Variants in SH3YL1 observed in about 807,000 individuals in gnomAD.
SH3YL1 encodes SH3 and SYLF domain containing 1, also known as SH3 domain-containing YSC84-like protein 1.
In SH3YL1, 41 loss-of-function variants were observed where a neutral mutation model predicts 45.8. The observed-to-expected ratio is 0.89, with a 90% CI of 0.70 to 1.16. SH3YL1 has a LOEUF of 1.16. Ranked by LOEUF, SH3YL1 falls within the 50% of genes most tolerant of loss-of-function variation. The pLI is 0.00. For missense variants in SH3YL1, 389 were observed against 409.6 expected, an observed-to-expected ratio of 0.95 and a Z score of 0.43; for synonymous variants, 152 against 151.4, an observed-to-expected ratio of 1.00 and a Z score of -0.03.
intron 1 of SH3YL1, among the ~76,000 whole-genome samples, chr2:259,124 T>C (rs1433209574): frequency 2.0e-5 from 3 of 152,222 alleles, no homozygotes; most frequent in African/African-American, 7.2e-5. Context: ...CCTTATCTTG[T>C]GGATCTCAGA....
Position 233,130 on chromosome 2 carries a change from AC to A in SH3YL1, c.503del (p.Cys168PhefsTer2), listed in dbSNP as rs1239160143. On this transcript the variant is annotated frameshift_variant, in exon 6 of 10. Coordinates refer to ENST00000356150, the MANE Select transcript of SH3YL1 (RefSeq NM_015677.4). LOFTEE classifies it high-confidence loss of function. ...TATTAGTTTCTTTCCTTTCAATCAA[AC>A]AGCTCCCTTCTAAAGACACGCCTGC... ...LFAGVSLEGSCLIERKETNRK... is the reference protein window; with the variant it reads ...LFAGVSLEGSXLIERKETNRK... 3 of 1,590,666 alleles carry A rather than the reference AC, an allele frequency of 1.9e-6. No individual in the cohort carries two copies. The highest frequency in any genetic ancestry group is 2.6e-6 in the Non-Finnish European group (3 of 1,167,136).
At position 230,953 on chromosome 2, in the gene SH3YL1, T is replaced by C. The variant is rs1668007328; in HGVS notation, c.702+70A>G. ...TTAGTAGGTTCTTAGGAACCTGATA[T>C]CAGGGACAGAATGTTCTACAGAAAG... On this transcript the variant is annotated intron_variant, in intron 7 of 9. Transcript: ENST00000356150. The C allele has an allele frequency of 2.7e-6, 4 of 1,487,476 alleles. No homozygotes were observed. In the African/African-American group the frequency reaches 5.5e-5, roughly 21 times the overall value. 92.1% of individuals were successfully genotyped at this position (1,487,476 alleles called of 1,614,324 possible).
At chr2:238,947 G>T (rs376502926) in intron 4 of SH3YL1, among the ~76,000 whole-genome samples, 8 of 152,308 alleles carry the variant, frequency 5.3e-5, no homozygotes, top group African/African-American at 1.9e-4. Context: ...GAATCTGGGA[G>T]TCTAAAGGTT....
At chr2:259,147 G>A (rs962585214) in intron 1 of SH3YL1, among the ~76,000 whole-genome samples, 3 of 152,112 alleles carry the variant, frequency 2.0e-5, no homozygotes, top group African/African-American at 7.2e-5. Context: ...TGTCCACCAT[G>A]TGCAAAAAGT....
chr2:233,279 G>A (rs772903105), intron 5 of SH3YL1, 50 bp from the exon 6 acceptor site: 40 of 1,460,018 alleles, frequency 2.7e-5, no homozygotes, highest in East Asian at 1.2e-4. Flanking sequence ...GCTCCAAGCC[G>A]AGGATCACTA....
intron 6 of SH3YL1, among the ~76,000 whole-genome samples, chr2:232,034 C>A (rs915716355): frequency 2.0e-5 from 3 of 151,794 alleles, no homozygotes; most frequent in East Asian, 3.9e-4. Flanking sequence ...GCAGTGCCAG[C>A]CGATCAAGCT....
upstream of SH3YL1, chr2:264,790 G>A (rs1669787058): frequency 5.9e-6 from 4 of 674,018 alleles, no homozygotes; most frequent in Non-Finnish European, 9.5e-6. Context: ...ACCGTCATAG[G>A]ACCGCCTCCG....
intron 4 of SH3YL1, among the ~76,000 whole-genome samples, chr2:245,812 C>T (rs1261362552): frequency 6.6e-6 from 1 of 152,010 alleles, no homozygotes; most frequent in Non-Finnish European, 1.5e-5. Flanking sequence ...CACTGTGCAG[C>T]GCACCAGTCT....
chr2:242,868 C>T (rs1179505120), intron 4 of SH3YL1: 29 of 1,499,532 alleles, frequency 1.9e-5, no homozygotes, highest in Non-Finnish European at 2.6e-5. Flanking sequence ...GCTGGAGTGG[C>T]ACTCTTTATA....
chr2:229,480 A>G (rs1312940450), intron 8 of SH3YL1, among the ~76,000 whole-genome samples: 1 of 152,162 alleles, frequency 6.6e-6, no homozygotes, highest in Non-Finnish European at 1.5e-5. Flanking sequence ...CTGTAATCCC[A>G]GCACTTTGGG....
At chr2:231,982 GGTCT>G (rs1668066796) in intron 6 of SH3YL1, among the ~76,000 whole-genome samples, 1 of 152,014 alleles carries the variant, frequency 6.6e-6, no homozygotes, top group South Asian at 2.1e-4. Flanking sequence ...GATAGTGGCG[GGTCT>G]GTCTGCCACG....
At chr2:224,698 G>A (rs1388392211) in intron 9 of SH3YL1, among the ~76,000 whole-genome samples, 166 bp downstream of exon 9, 2 of 152,176 alleles carry the variant, frequency 1.3e-5, no homozygotes, top group Non-Finnish European at 2.9e-5. Context: ...GATAACAAAA[G>A]CATAGCATTT....
intron 5 of SH3YL1, 138 bp from the exon 6 acceptor site, chr2:233,367 T>G: frequency 1.0e-6 from 1 of 973,712 alleles, no homozygotes; most frequent in East Asian, 3.0e-5. Context: ...TTTTACTTAC[T>G]GTAGGCCTAA....
chr2:241,175 G>A (rs2103036848), intron 4 of SH3YL1: 1 of 152,226 alleles, frequency 6.6e-6, no homozygotes, highest in East Asian at 1.9e-4. Flanking sequence ...AACGTACAAT[G>A]AGAATATCTT....
intron 4 of SH3YL1, among the ~76,000 whole-genome samples, chr2:246,925 A>G (rs571052204): frequency 6.6e-6 from 1 of 152,338 alleles, no homozygotes; most frequent in Non-Finnish European, 1.5e-5. Flanking sequence ...TTTGAGAAGA[A>G]AATGAGTTGA....
chr2:236,672 T>C (rs1031480526), intron 4 of SH3YL1, among the ~76,000 whole-genome samples: 2 of 152,142 alleles, frequency 1.3e-5, no homozygotes, highest in African/African-American at 2.4e-5. Flanking sequence ...CAATAAAACA[T>C]GCAAAGGTCA....
At chr2:247,726 CCT>C (rs1274372932) in intron 3 of SH3YL1, 124 bp from the exon 4 acceptor site, 1 of 675,678 alleles carries the variant, frequency 1.5e-6, no homozygotes, top group African/African-American at 1.8e-5. Flanking sequence ...TGGTATTTCC[CCT>C]GATTTTAAAG....
intron 8 of SH3YL1, among the ~76,000 whole-genome samples, chr2:226,657 A>T (rs565331110): frequency 6.6e-6 from 1 of 152,136 alleles, no homozygotes; most frequent in East Asian, 1.9e-4. Flanking sequence ...AGTGGGGAAG[A>T]TATATGGTTG....
Position 230,055 on chromosome 2 carries a change from CA to C in SH3YL1, c.703-12del. On this transcript the variant is annotated splice_polypyrimidine_tract_variant and intron_variant, in intron 7 of 9. Transcript: ENST00000356150. ...AGGTAATTCTTTAGCCTGGGAGAAACAAAAAGATAAATACACATAATTTTAA... is the reference window on the plus strand; with the variant it reads ...AGGTAATTCTTTAGCCTGGGAGAAACAAAAGATAAATACACATAATTTTAA... 1 of 1,585,502 alleles carries C rather than the reference CA, an allele frequency of 6.3e-7. No individual in the cohort carries two copies. The highest frequency in any genetic ancestry group is 8.6e-7 in the Non-Finnish European group (1 of 1,165,878).
Sources: allele counts gnomAD v4.1 joint callset (sites outside exome capture counted in the v4.1 genomes callset), GRCh38; gene constraint gnomAD v4.1.1; transcripts MANE v1.5; gene names NCBI Gene and HGNC (gene_info 2026-07-23, HGNC 2026-07-21).